Variants in HLA-E observed in about 807,000 individuals in gnomAD.
HLA-E encodes major histocompatibility complex, class I, E.
In HLA-E, 25 loss-of-function variants were observed where a neutral mutation model predicts 43.4. The ratio of observed to expected loss-of-function variants is 0.58; its 90% CI spans 0.42 to 0.80. The LOEUF (loss-of-function observed/expected upper bound fraction) is 0.80, where lower values mean the gene tolerates loss of function less well. Ranked by LOEUF, HLA-E falls within the 30% of genes least tolerant of loss-of-function variation. HLA-E has a pLI of 0.00. For synonymous variants in HLA-E, 161 were observed against 197.6 expected, an observed-to-expected ratio of 0.81 and a Z score of 1.55; for missense variants, 343 against 470.0, an observed-to-expected ratio of 0.73 and a Z score of 2.50.
Position 30,492,264 on chromosome 6 carries a change from T to A in HLA-E, c.1004-140T>A. On this transcript the variant is annotated intron_variant, in intron 5 of 7. Coordinates refer to ENST00000376630, the MANE Select transcript of HLA-E (RefSeq NM_005516.6). The surrounding 1 kb of genome is among the most constrained non-coding windows in gnomAD (Gnocchi z 4.5). ...GTTGATCCAGGACCCACACCTGCTTTCTTCACGTTTCCTGATCCTGCCCTG... is the reference window on the plus strand; with the variant it reads ...GTTGATCCAGGACCCACACCTGCTTACTTCACGTTTCCTGATCCTGCCCTG... 1 of 881,402 alleles carries A rather than the reference T, an allele frequency of 1.1e-6. No individual in the cohort carries two copies. Among genetic ancestry groups the A allele is most frequent in the Non-Finnish European group, 1.9e-6 (1 of 517,242 alleles). 54.6% of individuals were successfully genotyped at this position (881,402 alleles called of 1,614,324 possible).
rs1796536560 is a variant in HLA-E at position 30,491,522 on chromosome 6, C to A, written c.887-15C>A. The A allele has an allele frequency of 6.2e-7, 1 of 1,605,656 alleles. No individual in the cohort carries two copies. The highest frequency in any genetic ancestry group is 1.1e-5 in the South Asian group (1 of 90,984). ...CCTGGGGGTCAGGGCCCCTTACGTT[C>A]CCCTCTTTTCCCAGAGCCGGCTTCC... is the stretch of plus-strand genomic sequence containing the variant. On this transcript the variant is annotated splice_polypyrimidine_tract_variant and intron_variant, in intron 4 of 7. Coordinates refer to ENST00000376630, the MANE Select transcript of HLA-E (RefSeq NM_005516.6). This position sits in a 1 kb window ranked among gnomAD's most constrained non-coding sequence, Gnocchi z 5.4.
Position 30,490,092 on chromosome 6 carries a change from A to C in HLA-E, c.334+97A>C. On this transcript the variant is annotated intron_variant, in intron 2 of 7. Transcript: ENST00000376630. The surrounding 1 kb of genome is among the most constrained non-coding windows in gnomAD (Gnocchi z 6.6). ...AATCTTCGGGTCCCAGATTCACCCC[A>C]AGGCTGCGGAACCCGCCCAGACCCT... is the stretch of plus-strand genomic sequence containing the variant. The C allele has an allele frequency of 6.6e-7, 1 of 1,504,854 alleles. No individual in the cohort carries two copies. The highest frequency in any genetic ancestry group is 9.0e-7 in the Non-Finnish European group (1 of 1,106,334). 93.2% of individuals were successfully genotyped at this position (1,504,854 alleles called of 1,614,324 possible).
Position 30,490,644 on chromosome 6 carries a change from A to T in HLA-E, c.610+129A>T. On this transcript the variant is annotated intron_variant, in intron 3 of 7. Transcript: ENST00000376630. This position sits in a 1 kb window ranked among gnomAD's most constrained non-coding sequence, Gnocchi z 6.6. The stretch of plus-strand genomic sequence containing the variant: ...AATACCACTCCTCCCTTGGATCAGG[A>T]GAGGGAGCTGTCACCTGAGGTACAG... The T allele has an allele frequency of 1.1e-6, 1 of 901,590 alleles. No homozygotes were observed. The highest frequency in any genetic ancestry group is 1.6e-6 in the Non-Finnish European group (1 of 606,408). 55.8% of individuals were successfully genotyped at this position (901,590 alleles called of 1,614,324 possible). A position where few individuals can be genotyped will look rare whatever the true frequency, so the allele number is the denominator to read the frequency against.
At position 30,492,698 on chromosome 6, in the gene HLA-E, A is replaced by G; in HGVS notation, c.*3-51A>G. On this transcript the variant is annotated intron_variant, in intron 7 of 7. Transcript: ENST00000376630. The surrounding 1 kb of genome is among the most constrained non-coding windows in gnomAD (Gnocchi z 4.5). ...TGTGTGGTGGGCTGTTCAGAGTGTCATCACTTACCGTGACTGACCTGAATT... is the reference window on the plus strand; with the variant it reads ...TGTGTGGTGGGCTGTTCAGAGTGTCGTCACTTACCGTGACTGACCTGAATT... The G allele has an allele frequency of 9.7e-7, 1 of 1,032,294 alleles. No individual in the cohort carries two copies. Among genetic ancestry groups the G allele is most frequent in the South Asian group, 1.4e-5 (1 of 72,400 alleles). The allele number at this position is 1,032,294 out of a possible 1,614,324, so 63.9% of individuals were successfully genotyped here. A position where few individuals can be genotyped will look rare whatever the true frequency, so the allele number is the denominator to read the frequency against.
Position 30,490,135 on chromosome 6 carries a change from A to T in HLA-E, c.335-105A>T. 1 of 1,487,702 alleles carries T rather than the reference A, an allele frequency of 6.7e-7. No individual in the cohort carries two copies. The highest frequency in any genetic ancestry group is 9.1e-7 in the Non-Finnish European group (1 of 1,100,594). 92.2% of individuals were successfully genotyped at this position (1,487,702 alleles called of 1,614,324 possible). ...CAGACCCTAGACCGGGGAGAGTCTC[A>T]GGCGCCTTTACCCGGTTCTTTTTCA... is the stretch of plus-strand genomic sequence containing the variant. On this transcript the variant is annotated intron_variant, in intron 2 of 7. Transcript: ENST00000376630. The surrounding 1 kb of genome is among the most constrained non-coding windows in gnomAD (Gnocchi z 6.6).
At position 30,492,290 on chromosome 6, in the gene HLA-E, G is replaced by C. The variant is rs1224815986; in HGVS notation, c.1004-114G>C. 5 of 1,051,360 alleles carry C rather than the reference G, an allele frequency of 4.8e-6. No individual in the cohort carries two copies. In the African/African-American group the frequency reaches 7.8e-5, roughly 16 times the overall value. The allele number at this position is 1,051,360 out of a possible 1,614,324, so 65.1% of individuals were successfully genotyped here. On this transcript the variant is annotated intron_variant, in intron 5 of 7. Transcript: ENST00000376630. This position sits in a 1 kb window ranked among gnomAD's most constrained non-coding sequence, Gnocchi z 4.5. Reference sequence around the variant, plus strand: ...CTTCACGTTTCCTGATCCTGCCCTGGGTCTGCAGTCACAGTTCAGGAAACT... The same window carrying C: ...CTTCACGTTTCCTGATCCTGCCCTGCGTCTGCAGTCACAGTTCAGGAAACT...
In HLA-E at chr6:30,492,446, G is replaced by C. The variant is rs375615446; in HGVS notation, c.1036+10G>C. On this transcript the variant is annotated intron_variant, in intron 6 of 7. Transcript: ENST00000376630. This position sits in a 1 kb window ranked among gnomAD's most constrained non-coding sequence, Gnocchi z 4.5. ...TACTCTAAGGCTGAGTGTAAGTGCG[G>C]GGCGGGAGCGTGGAGGAGCTCGCCC... 2 of 1,614,116 alleles carry C rather than the reference G, an allele frequency of 1.2e-6. No homozygotes were observed. The highest frequency in any genetic ancestry group is 1.7e-6 in the Non-Finnish European group (2 of 1,179,990).
rs1310393274 is a variant in HLA-E, at chr6:30,492,009, G to T, written c.1003+356G>T. Among the ~76,000 whole-genome samples, 1 of 151,860 alleles carries T rather than the reference G, an allele frequency of 6.6e-6. No individual in the cohort carries two copies. The highest frequency in any genetic ancestry group is 1.5e-5 in the Non-Finnish European group (1 of 67,970). On this transcript the variant is annotated intron_variant, in intron 5 of 7. Transcript: ENST00000376630. The surrounding 1 kb of genome is among the most constrained non-coding windows in gnomAD (Gnocchi z 4.5). ...GTGGAGATGGGGTTTCACTATGTTG[G>T]CCAGGCTGGTCTCGAACTCCTGACT...
rs1399733357 is a variant in HLA-E at position 30,492,389 on chromosome 6, A to G, written c.1004-15A>G. On this transcript the variant is annotated splice_polypyrimidine_tract_variant and intron_variant, in intron 5 of 7. Transcript: ENST00000376630. This position sits in a 1 kb window ranked among gnomAD's most constrained non-coding sequence, Gnocchi z 4.5. ...CCTCCTCCCTGGCCCCTCACAGGAC[A>G]TTTTCTTCCAACAGGTGGAAAAGGA... is the stretch of plus-strand genomic sequence containing the variant. 8 of 1,613,884 alleles carry G rather than the reference A, an allele frequency of 5.0e-6. 1 individual carries two copies. Among genetic ancestry groups the G allele is most frequent in the South Asian group, 4.4e-5 (4 of 91,086 alleles).
chr6:30,490,398 G>C lies in HLA-E; in HGVS notation c.493G>C (p.Glu165Gln), dbSNP rs1003909041. The C allele has an allele frequency of 6.2e-7, 1 of 1,613,066 alleles. No individual in the cohort carries two copies. The highest frequency in any genetic ancestry group is 8.5e-7 in the Non-Finnish European group (1 of 1,180,034). The change falls in exon 3 of 8, where the codon GAG (glutamate) becomes CAG (glutamine). Residue 165 changes from glutamate to glutamine, a missense_variant. Coordinates refer to ENST00000376630, the MANE Select transcript of HLA-E (RefSeq NM_005516.6). This position sits in a 1 kb window ranked among gnomAD's most constrained non-coding sequence, Gnocchi z 6.6. Reference sequence around the variant, plus strand: ...GGTGGACACGGCGGCTCAGATCTCCGAGCAAAAGTCAAATGATGCCTCTGA... The same window carrying C: ...GGTGGACACGGCGGCTCAGATCTCCCAGCAAAAGTCAAATGATGCCTCTGA... Reference protein sequence around the residue: ...TAVDTAAQISEQKSNDASEAE... With the variant: ...TAVDTAAQISQQKSNDASEAE...
At position 30,490,153 on chromosome 6, in the gene HLA-E, C is replaced by A. The variant is rs944445724; in HGVS notation, c.335-87C>A. ...GAGTCTCAGGCGCCTTTACCCGGTT[C>A]TTTTTCAGTTTAGGCCAAAATGCCC... is the stretch of plus-strand genomic sequence containing the variant. On this transcript the variant is annotated intron_variant, in intron 2 of 7. Transcript: ENST00000376630. This position sits in a 1 kb window ranked among gnomAD's most constrained non-coding sequence, Gnocchi z 6.6. The A allele has an allele frequency of 2.1e-6, 3 of 1,451,046 alleles. No homozygotes were observed. The highest frequency in any genetic ancestry group is 2.8e-6 in the Non-Finnish European group (3 of 1,082,408). The allele number at this position is 1,451,046 out of a possible 1,614,324, so 89.9% of individuals were successfully genotyped here. A position where few individuals can be genotyped will look rare whatever the true frequency, so the allele number is the denominator to read the frequency against.
In HLA-E at chr6:30,492,641, T is replaced by C; in HGVS notation, c.*2+58T>C. On this transcript the variant is annotated intron_variant, in intron 7 of 7. Transcript: ENST00000376630. This position sits in a 1 kb window ranked among gnomAD's most constrained non-coding sequence, Gnocchi z 4.5. ...GTGGGGCAGAGGGGACAGGACTGGG[T>C]TGTGGGGATTTTTTGATTCAGAATT... 9 of 1,543,816 alleles carry C rather than the reference T, an allele frequency of 5.8e-6. No homozygotes were observed. Among genetic ancestry groups the C allele is most frequent in the Non-Finnish European group, 8.0e-6 (9 of 1,132,056 alleles).
rs1796411508 is a variant in HLA-E, at chr6:30,489,824, G to A, written c.163G>A (p.Val55Met). The change falls in exon 2 of 8, where the codon GTG becomes ATG. Residue 55 changes from valine to methionine, a missense_variant. Physicochemically the swap from Val to Met is conservative, Grantham distance 21. Transcript: ENST00000376630. This position sits in a 1 kb window ranked among gnomAD's most constrained non-coding sequence, Gnocchi z 5.6. ...SVGYVDDTQF[V>M]RFDNDAASPR... ...GGGCTACGTGGACGACACCCAGTTC[G>A]TGCGCTTCGACAACGACGCCGCGAG... 6.2e-7 allele frequency: 1 copy of A among 1,613,016 alleles called. No homozygotes were observed. The highest frequency in any genetic ancestry group is 8.5e-7 in the Non-Finnish European group (1 of 1,179,988).
At position 30,490,422 on chromosome 6, in the gene HLA-E, G is replaced by A; in HGVS notation, c.517G>A (p.Glu173Lys). ...CGAGCAAAAGTCAAATGATGCCTCTGAGGCGGAGCACCAGAGAGCCTACCT... is the reference window on the plus strand; with the variant it reads ...CGAGCAAAAGTCAAATGATGCCTCTAAGGCGGAGCACCAGAGAGCCTACCT... The part of the protein sequence containing the change: ...ISEQKSNDAS[E>K]AEHQRAYLED... The change falls in exon 3 of 8, where the codon GAG becomes AAG. Residue 173 changes from glutamate to lysine, a missense_variant. By Grantham distance (56) the Glu-to-Lys change is moderately conservative. Coordinates refer to ENST00000376630, the MANE Select transcript of HLA-E (RefSeq NM_005516.6). The surrounding 1 kb of genome is among the most constrained non-coding windows in gnomAD (Gnocchi z 6.6). 6.2e-7 allele frequency: 1 copy of A among 1,613,094 alleles called. No homozygotes were observed. The highest frequency in any genetic ancestry group is 1.1e-5 in the South Asian group (1 of 91,088).
rs1796668248 is a variant in HLA-E at position 30,493,296 on chromosome 6, A to G, written c.*550A>G. 6.6e-6 allele frequency: 1 copy of G among 152,230 alleles called. No individual in the cohort carries two copies. Among genetic ancestry groups the G allele is most frequent in the Non-Finnish European group, 1.5e-5 (1 of 68,050 alleles). The allele number at this position is 152,230 out of a possible 1,614,324, so 9.4% of individuals were successfully genotyped here. A position where few individuals can be genotyped will look rare whatever the true frequency, so the allele number is the denominator to read the frequency against. ...GTGACAGGGTGAAACGCCATCTCAAAAAATAAAAATTGAAAAATAAAAAAA... is the reference window on the plus strand; with the variant it reads ...GTGACAGGGTGAAACGCCATCTCAAGAAATAAAAATTGAAAAATAAAAAAA... On this transcript the variant is annotated 3_prime_UTR_variant, in exon 8 of 8. Coordinates refer to ENST00000376630, the MANE Select transcript of HLA-E (RefSeq NM_005516.6). This position sits in a 1 kb window ranked among gnomAD's most constrained non-coding sequence, Gnocchi z 5.5.
At position 30,490,548 on chromosome 6, in the gene HLA-E, CCTT is replaced by C. The variant is rs777059547; in HGVS notation, c.610+37_610+39del. 2.5e-6 allele frequency: 4 copies of C among 1,597,230 alleles called. No homozygotes were observed. The highest frequency in any genetic ancestry group is 1.7e-5 in the Admixed American group (1 of 59,134). ...GGTCCACAGGGCTACTCTCCCATCTCCTTCTTGGGCTAGGACTGTGCCCACAGC... is the reference window on the plus strand; with the variant it reads ...GGTCCACAGGGCTACTCTCCCATCTCCTTGGGCTAGGACTGTGCCCACAGC... On this transcript the variant is annotated intron_variant, in intron 3 of 7. Transcript: ENST00000376630. The surrounding 1 kb of genome is among the most constrained non-coding windows in gnomAD (Gnocchi z 6.6).
Position 30,491,432 on chromosome 6 carries a change from G to A in HLA-E, c.886+20G>A, listed in dbSNP as rs762896202. On this transcript the variant is annotated intron_variant, in intron 4 of 7. Coordinates refer to ENST00000376630, the MANE Select transcript of HLA-E (RefSeq NM_005516.6). This position sits in a 1 kb window ranked among gnomAD's most constrained non-coding sequence, Gnocchi z 5.4. ...GATGGAGTAAGGAGGGGGATGGGAG[G>A]TCATGTCTCTTCTCAGGGAAAGCGG... The A allele has an allele frequency of 6.8e-6, 11 of 1,613,618 alleles. No homozygotes were observed. The highest frequency in any genetic ancestry group is 1.3e-5 in the African/African-American group (1 of 74,932).
chr6:30,489,976 C>G lies in HLA-E; in HGVS notation c.315C>G (p.Tyr105Ter). The change falls in exon 2 of 8, where the codon TAC (tyrosine) becomes TAG (stop). Residue 105 changes from tyrosine (Y) to a stop codon, truncating the protein, a stop_gained. Coordinates refer to ENST00000376630, the MANE Select transcript of HLA-E (RefSeq NM_005516.6). LOFTEE classifies it high-confidence loss of function. This position sits in a 1 kb window ranked among gnomAD's most constrained non-coding sequence, Gnocchi z 5.6. ...FRVNLRTLRGYYNQSEAGSHT... is the reference protein window; with the variant it reads ...FRVNLRTLRG ...TGAATCTGCGGACGCTGCGCGGCTA[C>G]TACAATCAGAGCGAGGCCGGTGAGT... The G allele has an allele frequency of 7.5e-6, 12 of 1,609,866 alleles. No individual in the cohort carries two copies. The highest frequency in any genetic ancestry group is 1.0e-5 in the Non-Finnish European group (12 of 1,178,020).
In HLA-E at chr6:30,491,695, A is replaced by T. The variant is rs576733928; in HGVS notation, c.1003+42A>T. ...GGTGGGGTCTGAGTTTTCTTGTCCC[A>T]CTGGGTGTTTCAAGCCCTAGGTAAA... On this transcript the variant is annotated intron_variant, in intron 5 of 7. Coordinates refer to ENST00000376630, the MANE Select transcript of HLA-E (RefSeq NM_005516.6). This position sits in a 1 kb window ranked among gnomAD's most constrained non-coding sequence, Gnocchi z 5.4. 4 of 1,511,834 alleles carry T rather than the reference A, an allele frequency of 2.6e-6. No individual in the cohort carries two copies. In the Admixed American group the frequency reaches 5.3e-5, roughly 20 times the overall value. The allele number at this position is 1,511,834 out of a possible 1,614,324, so 93.7% of individuals were successfully genotyped here.
Sources: allele counts gnomAD v4.1 joint callset (sites outside exome capture counted in the v4.1 genomes callset), GRCh38; gene constraint gnomAD v4.1.1; non-coding constraint Gnocchi (gnomAD v3.1); transcripts MANE v1.5; gene names NCBI Gene and HGNC (gene_info 2026-07-23, HGNC 2026-07-21).